Variants in FCF1 observed in about 807,000 individuals in gnomAD.
FCF1 encodes FCF1 rRNA-processing protein.
Under a neutral mutation model 32.5 loss-of-function variants are expected in FCF1, and 17 were observed. The ratio of observed to expected loss-of-function variants is 0.52; its 90% CI spans 0.36 to 0.78. The LOEUF (loss-of-function observed/expected upper bound fraction) is 0.78. FCF1 is among the 30% of genes least tolerant of loss of function. FCF1 has a pLI of 0.00. For synonymous variants in FCF1, 84 were observed against 78.4 expected, an observed-to-expected ratio of 1.07 and a Z score of -0.38; for missense variants, 201 against 241.1, an observed-to-expected ratio of 0.83 and a Z score of 1.10.
Position 74,736,473 on chromosome 14 carries a change from T to A in FCF1, c.*1543T>A, listed in dbSNP as rs1414819866. ...AATCTCAGACAGGAAGAATATGTTT[T>A]ATGCTTTTTTTGAGTTCTGTTGTAC... is the stretch of plus-strand genomic sequence containing the variant. On this transcript the variant is annotated 3_prime_UTR_variant, in exon 8 of 8. Coordinates refer to ENST00000341162, the MANE Select transcript of FCF1 (RefSeq NM_015962.5). 2 of 152,148 alleles carry A rather than the reference T, an allele frequency of 1.3e-5. No homozygotes were observed. Among genetic ancestry groups the A allele is most frequent in the Non-Finnish European group, 2.9e-5 (2 of 68,030 alleles). The allele number at this position is 152,148 out of a possible 1,614,324, so 9.4% of individuals were successfully genotyped here. A position where few individuals can be genotyped will look rare whatever the true frequency, so the allele number is the denominator to read the frequency against.
chr14:74,724,195 G>A (rs2090545369), intron 5 of FCF1, among the ~76,000 whole-genome samples: 1 of 152,220 alleles, frequency 6.6e-6, no homozygotes, highest in African/African-American at 2.4e-5. Context: ...TTACAACACA[G>A]TCTTTTAACC....
At chr14:74,714,129 A>G (rs1030036247) in intron 2 of FCF1, among the ~76,000 whole-genome samples, 2 of 152,256 alleles carry the variant, frequency 1.3e-5, no homozygotes, top group Non-Finnish European at 2.9e-5. Context: ...AAGCATAGCT[A>G]TTAAATAAAG....
chr14:74,728,836 C>T (rs1256693217), intron 5 of FCF1, among the ~76,000 whole-genome samples: 1 of 152,104 alleles, frequency 6.6e-6, no homozygotes, highest in Non-Finnish European at 1.5e-5. Context: ...TGCCAAAGGC[C>T]TTTTCTGCAT....
chr14:74,715,765 C>T, intron 3 of FCF1, 186 bp from the exon 4 acceptor site: 1 of 1,350,608 alleles, frequency 7.4e-7, no homozygotes, highest in Non-Finnish European at 1.0e-6. Flanking sequence ...CAAAGGTTGC[C>T]AGGGGAGCTG....
chr14:74,728,481 T>C (rs1044283968), intron 5 of FCF1, among the ~76,000 whole-genome samples: 1 of 152,232 alleles, frequency 6.6e-6, no homozygotes, highest in Non-Finnish European at 1.5e-5. Context: ...TGAAGTTGCT[T>C]ATCAGCTTAA....
At chr14:74,714,794 T>C in intron 2 of FCF1, 78 bp from the exon 3 acceptor site, 1 of 1,434,678 alleles carries the variant, frequency 7.0e-7, no homozygotes, top group Non-Finnish European at 9.2e-7. Flanking sequence ...AAAAAAAAAA[T>C]GGAACTTTAG....
At chr14:74,725,502 A>C (rs1259022049) in intron 5 of FCF1, among the ~76,000 whole-genome samples, 2 of 150,658 alleles carry the variant, frequency 1.3e-5, no homozygotes, top group Admixed American at 6.6e-5. Context: ...AAAAAAAAAA[A>C]AAAAAAACTG....
chr14:74,714,943 T>C lies in FCF1; in HGVS notation c.143T>C (p.Val48Ala). 6 of 1,585,982 alleles carry C rather than the reference T, an allele frequency of 3.8e-6. No individual in the cohort carries two copies. Among genetic ancestry groups the C allele is most frequent in the Non-Finnish European group, 5.1e-6 (6 of 1,167,458 alleles). ...CCCAGCGCATTAAAGGAAAGAGAAG[T>C]GTGAGTAATCAAACGTTTGAAGTTT... Reference protein sequence around the residue: ...KDPSALKEREVPQHPSCLFFQ... With the variant: ...KDPSALKEREAPQHPSCLFFQ... Residue 48 changes from valine to alanine, a missense_variant and splice_region_variant, in exon 3 of 8, where the codon GTT becomes GCT. By Grantham distance (64) the Val-to-Ala change is moderately conservative. This residue lies in a region of FCF1 where 76 missense variants were observed against 75.0 expected (regional missense o/e 1.01). Transcript: ENST00000341162.
At position 74,736,363 on chromosome 14, in the gene FCF1, G is replaced by C. The variant is rs1845563407; in HGVS notation, c.*1433G>C. 2 of 151,166 alleles carry C rather than the reference G, an allele frequency of 1.3e-5. No individual in the cohort carries two copies. Among genetic ancestry groups the C allele is most frequent in the Admixed American group, 1.3e-4 (2 of 15,142 alleles). The allele number at this position is 151,166 out of a possible 1,614,324, so 9.4% of individuals were successfully genotyped here. On this transcript the variant is annotated 3_prime_UTR_variant, in exon 8 of 8. Coordinates refer to ENST00000341162, the MANE Select transcript of FCF1 (RefSeq NM_015962.5). ...GGAGGTGGAGGTTGCAGTGAGCTGA[G>C]ATTGCGCCACTGCATTCCAGCCTGG... is the stretch of plus-strand genomic sequence containing the variant.
At chr14:74,714,348 ATTATTC>A (rs2090383804) in intron 2 of FCF1, among the ~76,000 whole-genome samples, 1 of 152,194 alleles carries the variant, frequency 6.6e-6, no homozygotes, top group Non-Finnish European at 1.5e-5. Context: ...CTTCAGAATT[ATTATTC>A]TCAGCCTTTA....
At chr14:74,716,903 C>G (rs1434566730) in intron 4 of FCF1, among the ~76,000 whole-genome samples, 1 of 152,124 alleles carries the variant, frequency 6.6e-6, no homozygotes, top group Non-Finnish European at 1.5e-5. Flanking sequence ...ATATAATGAA[C>G]AACAGTTGCA....
chr14:74,734,250 A>G, intron 7 of FCF1, 80 bp downstream of exon 7: 1 of 771,784 alleles, frequency 1.3e-6, no homozygotes, highest in South Asian at 1.7e-5. Context: ...ATAAGGTTAT[A>G]AAGGATTTGA....
At chr14:74,726,736 C>T (rs1188438063) in intron 5 of FCF1, among the ~76,000 whole-genome samples, 1 of 152,044 alleles carries the variant, frequency 6.6e-6, no homozygotes, top group South Asian at 2.1e-4. Flanking sequence ...AGGTATATCT[C>T]GCAATGCTAT....
At chr14:74,729,386 G>GTAGT (rs2090607669) in intron 5 of FCF1, among the ~76,000 whole-genome samples, 1 of 151,998 alleles carries the variant, frequency 6.6e-6, no homozygotes, top group Non-Finnish European at 1.5e-5. Flanking sequence ...TAGTTTATTT[G>GTAGT]CGTAGAGGTG....
In FCF1 at chr14:74,714,962, G is replaced by T; in HGVS notation, c.143+19G>T. ...GAGAAGTGTGAGTAATCAAACGTTT[G>T]AAGTTTTCCTTTAAAACCATAGACC... On this transcript the variant is annotated intron_variant, in intron 3 of 7. Transcript: ENST00000341162. 6.4e-7 allele frequency: 1 copy of T among 1,574,710 alleles called. No homozygotes were observed. Among genetic ancestry groups the T allele is most frequent in the South Asian group, 1.2e-5 (1 of 83,660 alleles).
chr14:74,725,734 A>T (rs898594261), intron 5 of FCF1, among the ~76,000 whole-genome samples: 5 of 151,804 alleles, frequency 3.3e-5, no homozygotes, highest in African/African-American at 1.2e-4. Flanking sequence ...GGAGATCGAG[A>T]CCATCCTGGC....
intron 5 of FCF1, among the ~76,000 whole-genome samples, chr14:74,723,908 A>G (rs879330419): frequency 6.6e-6 from 1 of 152,202 alleles, no homozygotes; most frequent in African/African-American, 2.4e-5. Context: ...TATCATTAAC[A>G]AAGTAAACAG....
chr14:74,713,767 T>C, intron 2 of FCF1: 1 of 596,628 alleles, frequency 1.7e-6, no homozygotes, highest in South Asian at 2.1e-5. Context: ...GTGTTCACTT[T>C]TTCTACCGTT....
In FCF1 at chr14:74,713,509, T is replaced by C; in HGVS notation, c.28T>C (p.Tyr10His). 2.5e-6 allele frequency: 4 copies of C among 1,612,488 alleles called. No individual in the cohort carries two copies. Among genetic ancestry groups the C allele is most frequent in the Non-Finnish European group, 3.4e-6 (4 of 1,179,998 alleles). ...GGGGAAGCAAAAGAAAACAAGGAAGTATGCGACCATGAAGCGAATGCTTAG... is the reference window on the plus strand; with the variant it reads ...GGGGAAGCAAAAGAAAACAAGGAAGCATGCGACCATGAAGCGAATGCTTAG... MGKQKKTRK[Y>H]ATMKRMLSLR... The change falls in exon 2 of 8, where the codon TAT (tyrosine) becomes CAT (histidine). Residue 10 changes from tyrosine to histidine, a missense_variant. Transcript: ENST00000341162.
Sources: allele counts gnomAD v4.1 joint callset (sites outside exome capture counted in the v4.1 genomes callset), GRCh38; gene constraint gnomAD v4.1.1; regional missense constraint gnomAD v4.1.1; transcripts MANE v1.5; gene names NCBI Gene and HGNC (gene_info 2026-07-23, HGNC 2026-07-21).